The following PGGT1B variants were observed in gnomAD, a reference collection of about 807,000 sequenced individuals.
PGGT1B encodes the protein protein geranylgeranyltransferase type I subunit beta.
Under a neutral mutation model 46.1 loss-of-function variants are expected in PGGT1B, and 30 were observed. That is an observed-to-expected ratio of 0.65 (90% CI 0.49 to 0.88). The LOEUF (loss-of-function observed/expected upper bound fraction) is 0.88. Ranked by LOEUF, PGGT1B falls within the 40% of genes least tolerant of loss-of-function variation. PGGT1B has a pLI of 0.00. For synonymous variants in PGGT1B, 170 were observed against 160.0 expected, an observed-to-expected ratio of 1.06 and a Z score of -0.47; for missense variants, 376 against 455.9, an observed-to-expected ratio of 0.82 and a Z score of 1.60.
chr5:115,229,372 C>G (rs1327798066), intron 6 of PGGT1B, among the ~76,000 whole-genome samples: 1 of 152,056 alleles, frequency 6.6e-6, no homozygotes, highest in Non-Finnish European at 1.5e-5. Flanking sequence ...AGGCCTTCCT[C>G]TAGGGCTTTA....
At chr5:115,243,649 T>C (rs1329665907) in intron 2 of PGGT1B, among the ~76,000 whole-genome samples, 1 of 152,164 alleles carries the variant, frequency 6.6e-6, no homozygotes, top group Non-Finnish European at 1.5e-5. Context: ...GTTTGTAAGG[T>C]CAGAAGTCTA....
chr5:115,248,987 T>G (rs1244015409), intron 2 of PGGT1B, among the ~76,000 whole-genome samples: 2 of 152,346 alleles, frequency 1.3e-5, no homozygotes, highest in East Asian at 3.9e-4. Flanking sequence ...AGTTTTTATT[T>G]TTGTATGTTT....
At chr5:115,217,023 C>A in intron 7 of PGGT1B, 50 bp from the exon 8 acceptor site, 3 of 822,480 alleles carry the variant, frequency 3.6e-6, no homozygotes, top group Middle Eastern at 4.5e-4. Context: ...CTCATATCAA[C>A]CTTTGGCTCA....
intron 5 of PGGT1B, 27 bp from the exon 6 acceptor site, chr5:115,231,048 T>G (rs778752801): frequency 6.2e-6 from 8 of 1,297,846 alleles, no homozygotes. Flanking sequence ...TTGTTCAGTT[T>G]AATAGGGAAA....
At chr5:115,229,207 T>C (rs1018680818) in intron 6 of PGGT1B, among the ~76,000 whole-genome samples, 1 of 152,146 alleles carries the variant, frequency 6.6e-6, no homozygotes, top group Non-Finnish European at 1.5e-5. Flanking sequence ...TAGGCCATAC[T>C]GTAATACTGA....
intron 7 of PGGT1B, among the ~76,000 whole-genome samples, chr5:115,217,255 C>A (rs2126990090): frequency 6.6e-6 from 1 of 151,910 alleles, no homozygotes; most frequent in South Asian, 2.1e-4. Context: ...CAACTCGAAT[C>A]CACTCAACAT....
chr5:115,222,022 C>G lies in PGGT1B; in HGVS notation c.659-14G>C. 6.7e-7 allele frequency: 1 copy of G among 1,497,270 alleles called. No individual in the cohort carries two copies. The highest frequency in any genetic ancestry group is 8.9e-7 in the Non-Finnish European group (1 of 1,119,850). The allele number at this position is 1,497,270 out of a possible 1,614,324, so 92.7% of individuals were successfully genotyped here. A position where few individuals can be genotyped will look rare whatever the true frequency, so the allele number is the denominator to read the frequency against. On this transcript the variant is annotated splice_polypyrimidine_tract_variant and intron_variant, in intron 6 of 8. Coordinates refer to ENST00000419445, the MANE Select transcript of PGGT1B (RefSeq NM_005023.4). The stretch of plus-strand genomic sequence containing the variant: ...AAGTTGATCCTCCTGTTAATCAAAA[C>G]CACACAACGTTTTAAACTTCAAATT...
At chr5:115,233,640 G>C (rs1255199284) in intron 5 of PGGT1B, among the ~76,000 whole-genome samples, 1 of 150,582 alleles carries the variant, frequency 6.6e-6, no homozygotes, top group Non-Finnish European at 1.5e-5. Context: ...GATTTGTATG[G>C]CCCTCGAGTT....
rs753014318 is a variant in PGGT1B at position 115,238,006 on chromosome 5, G to C, written c.331C>G (p.Pro111Ala). 5.0e-6 allele frequency: 8 copies of C among 1,591,138 alleles called. No individual in the cohort carries two copies. The highest frequency in any genetic ancestry group is 6.8e-6 in the Non-Finnish European group (8 of 1,171,124). ...LGIPFNPSKA[P>A]GTAHPYDSGH... is the part of the protein sequence containing the mutation. ...CTATCATAAGGATGAGCTGTTCCAGGAGCCTAAATACAAAATTAATATAGT... is the reference window on the plus strand; with the variant it reads ...CTATCATAAGGATGAGCTGTTCCAGCAGCCTAAATACAAAATTAATATAGT... Residue 111 changes from proline (P) to alanine (A), a missense_variant, in exon 4 of 9, where the codon CCT becomes GCT. Around this residue, in one of 2 missense-constraint regions of PGGT1B, gnomAD observed 154 missense variants for 142.3 expected, o/e 1.08. Transcript: ENST00000419445.
At chr5:115,232,411 T>TC (rs1757020867) in intron 5 of PGGT1B, among the ~76,000 whole-genome samples, 2 of 152,014 alleles carry the variant, frequency 1.3e-5, no homozygotes, top group Non-Finnish European at 2.9e-5. Context: ...GAAACTTAGA[T>TC]TGTGGTCATT....
At chr5:115,214,526 T>G (rs1171706840) in intron 8 of PGGT1B, among the ~76,000 whole-genome samples, 1 of 152,210 alleles carries the variant, frequency 6.6e-6, no homozygotes, top group Non-Finnish European at 1.5e-5. Flanking sequence ...TAAAGAATCT[T>G]GTTAAAATGA....
At chr5:115,259,343 T>C (rs1748452493) in intron 1 of PGGT1B, among the ~76,000 whole-genome samples, 1 of 152,108 alleles carries the variant, frequency 6.6e-6, no homozygotes, top group South Asian at 2.1e-4. Context: ...AGCCATTACT[T>C]AGAGTCTCCC....
At chr5:115,217,286 A>AT (rs1334200371) in intron 7 of PGGT1B, among the ~76,000 whole-genome samples, 40 of 152,154 alleles carry the variant, frequency 2.6e-4, no homozygotes, top group Non-Finnish European at 5.0e-4. Flanking sequence ...TTTAAAAAGT[A>AT]CAATTTTATC....
chr5:115,261,116 T>G (rs1261110880), intron 1 of PGGT1B, among the ~76,000 whole-genome samples: 3 of 152,242 alleles, frequency 2.0e-5, no homozygotes. Context: ...ACTTTTTATC[T>G]AAAAGCTTTG....
chr5:115,262,591 C>A (rs1322076186), intron 1 of PGGT1B, 121 bp downstream of exon 1: 5 of 1,114,812 alleles, frequency 4.5e-6, no homozygotes, highest in African/African-American at 1.6e-5. Flanking sequence ...TGAAACCAGT[C>A]AGTGCCAACT....
chr5:115,258,196 G>C (rs1561487983), intron 1 of PGGT1B, among the ~76,000 whole-genome samples: 1 of 152,160 alleles, frequency 6.6e-6, no homozygotes. Context: ...TACATGTTAA[G>C]TGCTATTACA....
chr5:115,237,804 A>G (rs1321417281), intron 4 of PGGT1B, 54 bp downstream of exon 4: 12 of 1,470,642 alleles, frequency 8.2e-6, no homozygotes, highest in Non-Finnish European at 1.1e-5. Context: ...TCCATTTTTT[A>G]GTTCCAATAT....
At chr5:115,223,156 G>A (rs914721958) in intron 6 of PGGT1B, among the ~76,000 whole-genome samples, 4 of 152,070 alleles carry the variant, frequency 2.6e-5, no homozygotes, top group Admixed American at 6.6e-5. Context: ...AATGGTGGGG[G>A]ATGGGGGCGG....
intron 5 of PGGT1B, among the ~76,000 whole-genome samples, chr5:115,234,361 G>A (rs1757106601): frequency 6.6e-6 from 1 of 151,996 alleles, no homozygotes; most frequent in Non-Finnish European, 1.5e-5. Context: ...GGAACAAGAT[G>A]TTAAGTATGG....
Sources: gnomAD v4.1 joint callset for allele counts (sites outside exome capture counted in the v4.1 genomes callset) on GRCh38, gnomAD v4.1.1 for gene constraint, gnomAD v4.1.1 regional missense constraint, MANE v1.5 for transcripts, NCBI Gene and HGNC (gene_info 2026-07-23, HGNC 2026-07-21) for gene names.